Variants in CPED1 observed in about 807,000 individuals in gnomAD.
CPED1 encodes the protein cadherin like and PC-esterase domain containing 1, also known as cadherin-like and PC-esterase domain-containing protein 1.
A neutral mutation model predicts 128.2 loss-of-function variants in CPED1; 114 were observed. The observed-to-expected ratio is 0.89, with a 90% CI of 0.76 to 1.04. The LOEUF is 1.04. CPED1 is among the 50% of genes least tolerant of loss of function. The pLI is 0.00. For synonymous variants in CPED1, 462 were observed against 426.7 expected (o/e 1.08, Z -1.02); for missense variants, 1,211 against 1,207.1 (o/e 1.00, Z -0.05).
intron 4 of CPED1, among the ~76,000 whole-genome samples, chr7:121,049,693 A>C (rs1435938287): frequency 6.6e-6 from 1 of 152,148 alleles, no homozygotes; most frequent in East Asian, 1.9e-4. Flanking sequence ...GTGATATGAA[A>C]CTGCTTACTG....
intron 19 of CPED1, 35 bp from the exon 20 acceptor site, chr7:121,266,671 AG>A (rs1187062532): frequency 6.6e-6 from 10 of 1,512,162 alleles, no homozygotes; most frequent in Non-Finnish European, 7.4e-6. Flanking sequence ...CTTCTGTTTT[AG>A]GGCAACATGT....
At chr7:121,171,074 A>C (rs770282992) in intron 16 of CPED1, among the ~76,000 whole-genome samples, 8 of 151,724 alleles carry the variant, frequency 5.3e-5, no homozygotes, top group Non-Finnish European at 8.8e-5. Context: ...AAAAAAAAAT[A>C]AGAAAATTCA....
intron 3 of CPED1, among the ~76,000 whole-genome samples, chr7:121,036,789 T>C (rs993115563): frequency 6.6e-6 from 1 of 152,148 alleles, no homozygotes; most frequent in Non-Finnish European, 1.5e-5. Flanking sequence ...ACTACATTCA[T>C]GCCAACATCT....
chr7:121,141,953 C>T lies in CPED1; in HGVS notation c.1887-20C>T. The T allele has an allele frequency of 6.2e-7, 1 of 1,602,428 alleles. No homozygotes were observed. The highest frequency in any genetic ancestry group is 8.5e-7 in the Non-Finnish European group (1 of 1,170,992). ...TCTCCCCTATTCATATTCTATTTCTCTCTCCCTCTTTCTCTCCAGCTTTGC... is the reference window on the plus strand; with the variant it reads ...TCTCCCCTATTCATATTCTATTTCTTTCTCCCTCTTTCTCTCCAGCTTTGC... On this transcript the variant is annotated intron_variant, in intron 15 of 22. Coordinates refer to ENST00000310396, the MANE Select transcript of CPED1 (RefSeq NM_024913.5).
Position 120,989,741 on chromosome 7 carries a change from G to T in CPED1, c.120G>T (p.Lys40Asn). The change falls in exon 2 of 23, where the codon AAG becomes AAT. Residue 40 changes from lysine to asparagine, a missense_variant. Coordinates refer to ENST00000310396, the MANE Select transcript of CPED1 (RefSeq NM_024913.5). ...YQTLTLRGSR[K>N]LTAAAPGAVP... Reference sequence around the variant, plus strand: ...CTCTGACCCTCCGAGGGTCGAGGAAGCTCACAGCCGCTGCCCCTGGGGCTG... The same window carrying T: ...CTCTGACCCTCCGAGGGTCGAGGAATCTCACAGCCGCTGCCCCTGGGGCTG... The T allele has an allele frequency of 6.2e-7, 1 of 1,613,864 alleles. No individual in the cohort carries two copies. The highest frequency in any genetic ancestry group is 8.5e-7 in the Non-Finnish European group (1 of 1,179,998).
intron 16 of CPED1, among the ~76,000 whole-genome samples, chr7:121,161,890 A>G (rs993602263): frequency 1.3e-5 from 2 of 152,176 alleles, no homozygotes; most frequent in African/African-American, 4.8e-5. Flanking sequence ...AAAAAAAATA[A>G]AATTATTTCT....
rs1412214323 is a variant in CPED1 at position 121,271,352 on chromosome 7, A to G, written c.2790A>G (p.Glu930=). 6.2e-7 allele frequency: 1 copy of G among 1,612,360 alleles called. No individual in the cohort carries two copies. Among genetic ancestry groups the G allele is most frequent in the African/African-American group, 1.3e-5 (1 of 74,856 alleles). ...ILDTAKKHGY[E]VVDTFTITMG... The stretch of plus-strand genomic sequence containing the variant: ...ATACTGCAAAAAAACATGGCTATGA[A>G]GTAGTTGACACATTCACTATAACAA... The change falls in exon 22 of 23, where the codon GAA becomes GAG. Residue 930 remains glutamate (E), a synonymous_variant. Coordinates refer to ENST00000310396, the MANE Select transcript of CPED1 (RefSeq NM_024913.5).
rs1795525063 is a variant in CPED1 at position 121,127,190 on chromosome 7, C to A, written c.1235C>A (p.Pro412His). 6.3e-7 allele frequency: 1 copy of A among 1,594,188 alleles called. No homozygotes were observed. The highest frequency in any genetic ancestry group is 8.6e-7 in the Non-Finnish European group (1 of 1,163,854). Residue 412 changes from proline (P) to histidine (H), a missense_variant, in exon 10 of 23, where the codon CCT becomes CAT. Pro to His is a moderately conservative substitution (Grantham distance 77). Coordinates refer to ENST00000310396, the MANE Select transcript of CPED1 (RefSeq NM_024913.5). Reference protein sequence around the residue: ...LLNDTFNFLFPNESSLSIFSE... With the variant: ...LLNDTFNFLFHNESSLSIFSE... Reference sequence around the variant, plus strand: ...AATGACACTTTCAATTTTCTCTTCCCTAATGAATCATCACTTTCCATATTT... The same window carrying A: ...AATGACACTTTCAATTTTCTCTTCCATAATGAATCATCACTTTCCATATTT...
At chr7:121,037,871 C>T (rs1422097419) in intron 3 of CPED1, among the ~76,000 whole-genome samples, 1 of 151,796 alleles carries the variant, frequency 6.6e-6, no homozygotes. Flanking sequence ...TAGGTATATC[C>T]CTGAGTATTA....
chr7:121,113,082 G>C (rs543979330), intron 7 of CPED1, among the ~76,000 whole-genome samples: 1 of 152,206 alleles, frequency 6.6e-6, no homozygotes, highest in African/African-American at 2.4e-5. Context: ...CAATAAATAG[G>C]TTGAAAATTC....
At chr7:121,089,793 A>G (rs903773652) in intron 5 of CPED1, among the ~76,000 whole-genome samples, 1 of 152,172 alleles carries the variant, frequency 6.6e-6, no homozygotes, top group Non-Finnish European at 1.5e-5. Context: ...TTAAATTGTT[A>G]TTAATGATGC....
At chr7:121,239,788 G>A (rs1165585009) in intron 17 of CPED1, among the ~76,000 whole-genome samples, 1 of 152,024 alleles carries the variant, frequency 6.6e-6, no homozygotes, top group Middle Eastern at 3.2e-3. Context: ...AATCTAACTT[G>A]CATTAAATAT....
In CPED1 at chr7:121,295,713, T is replaced by C. The variant is rs1792810151; in HGVS notation, c.*61T>C. 3 of 1,457,626 alleles carry C rather than the reference T, an allele frequency of 2.1e-6. No individual in the cohort carries two copies. The highest frequency in any genetic ancestry group is 2.8e-5 in the African/African-American group (2 of 71,604). 90.3% of individuals were successfully genotyped at this position (1,457,626 alleles called of 1,614,324 possible). The stretch of plus-strand genomic sequence containing the variant: ...CGAGCTAGTCACCCGGACAATGGTC[T>C]AGGAGCCAAGCGCTGCACATCGCAC... On this transcript the variant is annotated 3_prime_UTR_variant, in exon 23 of 23. Transcript: ENST00000310396.
At chr7:121,081,968 C>G (rs1025725635) in intron 5 of CPED1, among the ~76,000 whole-genome samples, 2 of 152,066 alleles carry the variant, frequency 1.3e-5, no homozygotes, top group Admixed American at 1.3e-4. Context: ...GCATTTTGCC[C>G]CACCTATTTC....
intron 5 of CPED1, among the ~76,000 whole-genome samples, chr7:121,091,324 A>C (rs1013711445): frequency 2.4e-4 from 37 of 152,196 alleles, no homozygotes; most frequent in African/African-American, 8.4e-4. Flanking sequence ...GGATCACTAA[A>C]AACATAGTGT....
chr7:121,243,523 C>A (rs1354930265), intron 17 of CPED1, among the ~76,000 whole-genome samples: 1 of 152,106 alleles, frequency 6.6e-6, no homozygotes, highest in African/African-American at 2.4e-5. Flanking sequence ...CTGTTAGTAA[C>A]AAAAGATGAA....
intron 5 of CPED1, among the ~76,000 whole-genome samples, chr7:121,070,333 C>T (rs1793954002): frequency 6.6e-6 from 1 of 151,810 alleles, no homozygotes; most frequent in Non-Finnish European, 1.5e-5. Context: ...TTTGCTTGTT[C>T]TCTGTGTTCT....
intron 16 of CPED1, among the ~76,000 whole-genome samples, chr7:121,160,366 G>T (rs560155981): frequency 6.6e-6 from 1 of 152,202 alleles, no homozygotes; most frequent in African/African-American, 2.4e-5. Flanking sequence ...CATATATTTG[G>T]CTGCAAGAGA....
At chr7:121,283,650 C>A (rs1384565126) in intron 22 of CPED1, among the ~76,000 whole-genome samples, 1 of 152,180 alleles carries the variant, frequency 6.6e-6, no homozygotes, top group African/African-American at 2.4e-5. Context: ...TAGGTCCTCC[C>A]AAACAGGGGC....
Sources: gnomAD v4.1 joint callset for allele counts (sites outside exome capture counted in the v4.1 genomes callset) on GRCh38, gnomAD v4.1.1 for gene constraint, MANE v1.5 for transcripts, NCBI Gene and HGNC (gene_info 2026-07-23, HGNC 2026-07-21) for gene names.